The following CYP7B1 variants were observed in gnomAD, a reference collection of about 807,000 sequenced individuals.
The protein encoded by CYP7B1 is cytochrome P450 family 7 subfamily B member 1, also known as cytochrome P450 7B1.
In CYP7B1, 29 loss-of-function variants were observed where a neutral mutation model predicts 42.7. The ratio of observed to expected loss-of-function variants is 0.68; its 90% CI spans 0.51 to 0.93. The LOEUF (loss-of-function observed/expected upper bound fraction) is 0.93, where lower values mean the gene tolerates loss of function less well. CYP7B1 is among the 40% of genes least tolerant of loss of function. CYP7B1 has a pLI of 0.00. For missense variants in CYP7B1, 655 were observed against 600.5 expected, an observed-to-expected ratio of 1.09 and a Z score of -0.95; for synonymous variants, 235 against 218.2, an observed-to-expected ratio of 1.08 and a Z score of -0.68.
chr8:64,631,124 A>T (rs1394193966), intron 1 of CYP7B1, among the ~76,000 whole-genome samples: 1 of 152,246 alleles, frequency 6.6e-6, no homozygotes, highest in Non-Finnish European at 1.5e-5. Context: ...CAAAGACATT[A>T]TAAGCATTAC....
chr8:64,695,829 A>C (rs1806818942), intron 1 of CYP7B1, among the ~76,000 whole-genome samples: 3 of 151,996 alleles, frequency 2.0e-5, no homozygotes, highest in Admixed American at 2.0e-4. Flanking sequence ...GTTGGTTAAC[A>C]AAAAAAGGGC....
At chr8:64,769,253 A>T (rs990343474) in intron 1 of CYP7B1, among the ~76,000 whole-genome samples, 13 of 152,208 alleles carry the variant, frequency 8.5e-5, no homozygotes, top group African/African-American at 3.1e-4. Context: ...TGATGAAAAC[A>T]TCATAACAAA....
rs1304731831 is a variant in CYP7B1 at position 64,594,251 on chromosome 8, A to G, written c.*2391T>C. On this transcript the variant is annotated 3_prime_UTR_variant, in exon 6 of 6. Transcript: ENST00000310193. ...CTGTCCCACAATAACTGTCCTGCTG[A>G]CAGTGTCCATCACTGGGTAACTAGA... Among the ~76,000 whole-genome samples the G allele has an allele frequency of 6.6e-6, 1 of 152,128 alleles. No homozygotes were observed. Among genetic ancestry groups the G allele is most frequent in the African/African-American group, 2.4e-5 (1 of 41,428 alleles).
At chr8:64,696,751 A>G (rs1484503729) in intron 1 of CYP7B1, among the ~76,000 whole-genome samples, 1 of 152,086 alleles carries the variant, frequency 6.6e-6, no homozygotes, top group Non-Finnish European at 1.5e-5. Flanking sequence ...TATTTCATCA[A>G]TTATTTAAGC....
rs182523048 is a variant in CYP7B1 at position 64,592,928 on chromosome 8, T to C, written c.*3714A>G. 8.1e-4 allele frequency among the ~76,000 whole-genome samples: 123 copies of C among 152,346 alleles called. No homozygotes were observed. The highest frequency in any genetic ancestry group is 3.4e-3 in the Middle Eastern group (1 of 294). ...TATTTAGTTACTGGATTTAAGACTGTCACAAGATTCTCAATGTTTTGTTTT... is the reference window on the plus strand; with the variant it reads ...TATTTAGTTACTGGATTTAAGACTGCCACAAGATTCTCAATGTTTTGTTTT... On this transcript the variant is annotated 3_prime_UTR_variant, in exon 6 of 6. Coordinates refer to ENST00000310193, the MANE Select transcript of CYP7B1 (RefSeq NM_004820.5).
intron 1 of CYP7B1, among the ~76,000 whole-genome samples, chr8:64,742,216 GA>G (rs1473042576): frequency 6.6e-6 from 1 of 151,504 alleles, no homozygotes; most frequent in Non-Finnish European, 1.5e-5. Context: ...TGTAAATACT[GA>G]AAAAATATTA....
At chr8:64,714,165 C>T (rs1472651145) in intron 1 of CYP7B1, among the ~76,000 whole-genome samples, 1 of 152,202 alleles carries the variant, frequency 6.6e-6, no homozygotes, top group East Asian at 1.9e-4. Context: ...GGCCTCTGTA[C>T]CTTCTGTGCA....
At chr8:64,691,332 C>A (rs1806738016) in intron 1 of CYP7B1, among the ~76,000 whole-genome samples, 1 of 152,040 alleles carries the variant, frequency 6.6e-6, no homozygotes, top group African/African-American at 2.4e-5. Context: ...ACAGGAGAAA[C>A]CAAATGGCTA....
chr8:64,698,412 G>A (rs539681773), intron 1 of CYP7B1, among the ~76,000 whole-genome samples: 1 of 152,254 alleles, frequency 6.6e-6, no homozygotes, highest in South Asian at 2.1e-4. Context: ...CTGGTCAGTA[G>A]TGCTGATGGC....
At position 64,592,424 on chromosome 8, in the gene CYP7B1, A is replaced by G. The variant is rs867992880; in HGVS notation, c.*4218T>C. Reference sequence around the variant, plus strand: ...TTTTAAAATAGTTTTAAAGAGATGAATTTATCACTTACAACTGCATTTATA... The same window carrying G: ...TTTTAAAATAGTTTTAAAGAGATGAGTTTATCACTTACAACTGCATTTATA... On this transcript the variant is annotated 3_prime_UTR_variant, in exon 6 of 6. Transcript: ENST00000310193. Among the ~76,000 whole-genome samples, 2 of 152,214 alleles carry G rather than the reference A, an allele frequency of 1.3e-5. No individual in the cohort carries two copies. Among genetic ancestry groups the G allele is most frequent in the African/African-American group, 4.8e-5 (2 of 41,438 alleles).
At position 64,615,087 on chromosome 8, in the gene CYP7B1, C is replaced by G; in HGVS notation, c.996G>C (p.Lys332Asn). 1 of 1,613,724 alleles carries G rather than the reference C, an allele frequency of 6.2e-7. No homozygotes were observed. The change falls in exon 4 of 6, where the codon AAG becomes AAC. Residue 332 changes from lysine (K) to asparagine (N), a missense_variant. Transcript: ENST00000310193. ...GGTGGATGGGAAATCCAGACCCTTTCTTTTGACCTGTTGACTGCAGCAAAC... is the reference window on the plus strand; with the variant it reads ...GGTGGATGGGAAATCCAGACCCTTTGTTTTGACCTGTTGACTGCAGCAAAC... ...IDRLLQSTGQ[K>N]KGSGFPIHLT...
At chr8:64,636,823 G>C (rs1404029622) in intron 1 of CYP7B1, among the ~76,000 whole-genome samples, 1 of 152,124 alleles carries the variant, frequency 6.6e-6, no homozygotes, top group Non-Finnish European at 1.5e-5. Context: ...AATCTGAAAG[G>C]GGGAAGTCGA....
chr8:64,626,187 A>G (rs1805607954), intron 1 of CYP7B1, among the ~76,000 whole-genome samples: 1 of 152,182 alleles, frequency 6.6e-6, no homozygotes, highest in Non-Finnish European at 1.5e-5. Context: ...GTGTACCAGG[A>G]TGCAAGACTT....
chr8:64,784,330 G>A (rs1804484528), intron 1 of CYP7B1, among the ~76,000 whole-genome samples: 1 of 152,160 alleles, frequency 6.6e-6, no homozygotes, highest in African/African-American at 2.4e-5. Flanking sequence ...TGTGCTTACA[G>A]ACTAATAGTC....
At chr8:64,700,537 T>C (rs186931339) in intron 1 of CYP7B1, among the ~76,000 whole-genome samples, 39 of 152,252 alleles carry the variant, frequency 2.6e-4, no homozygotes, top group African/African-American at 7.9e-4. Flanking sequence ...CTATCTCTTA[T>C]TATAGGCAGA....
chr8:64,729,170 TAAGA>T (rs897205526), intron 1 of CYP7B1, among the ~76,000 whole-genome samples: 2 of 152,168 alleles, frequency 1.3e-5, no homozygotes, highest in African/African-American at 4.8e-5. Flanking sequence ...AGAAAAACTG[TAAGA>T]AAATCAGAGA....
At chr8:64,774,291 A>G (rs1232442595) in intron 1 of CYP7B1, among the ~76,000 whole-genome samples, 2 of 152,212 alleles carry the variant, frequency 1.3e-5, no homozygotes, top group Non-Finnish European at 2.9e-5. Context: ...TTTCATCTCT[A>G]TGTAACCAGT....
chr8:64,596,886 GT>G lies in CYP7B1; in HGVS notation c.1276del (p.Thr426ProfsTer10). The G allele has an allele frequency of 6.2e-7, 1 of 1,613,332 alleles. No homozygotes were observed. Among genetic ancestry groups the G allele is most frequent in the Non-Finnish European group, 8.5e-7 (1 of 1,179,490 alleles). The part of the protein sequence containing the change: ...DRFIEDGKKK[T>X]TFFKRGKKLK... ...CTTTTTCCCTCTTTTGAAAAAGGTG[GT>G]TTTCTTCTTACCATCTTCTATAAAA... On this transcript the variant is annotated frameshift_variant, in exon 6 of 6. Coordinates refer to ENST00000310193, the MANE Select transcript of CYP7B1 (RefSeq NM_004820.5). LOFTEE classifies it low-confidence loss of function (END_TRUNC).
At chr8:64,624,311 T>G in intron 2 of CYP7B1, 92 bp downstream of exon 2, 1 of 1,194,098 alleles carries the variant, frequency 8.4e-7, no homozygotes, top group Admixed American at 2.0e-5. Context: ...TATACAAATA[T>G]TCTACATTTT....
Sources: gnomAD v4.1 joint callset for allele counts (sites outside exome capture counted in the v4.1 genomes callset) on GRCh38, gnomAD v4.1.1 for gene constraint, MANE v1.5 for transcripts, NCBI Gene and HGNC (gene_info 2026-07-23, HGNC 2026-07-21) for gene names.